LIMA1: variants seen among roughly 807,000 people sequenced by gnomAD.
LIMA1 encodes the protein LIM domain and actin binding 1, also known as LIM domain and actin-binding protein 1.
In LIMA1, 52 loss-of-function variants were observed where a neutral mutation model predicts 62.6. That is an observed-to-expected ratio of 0.83 (90% CI 0.67 to 1.05). The LOEUF (loss-of-function observed/expected upper bound fraction) is 1.05, where lower values mean the gene tolerates loss of function less well. Ranked by LOEUF, LIMA1 falls within the 50% of genes least tolerant of loss-of-function variation. The pLI, the probability that LIMA1 is intolerant of heterozygous loss-of-function variation, is 0.00. For missense variants in LIMA1, 780 were observed against 902.2 expected (o/e 0.86, Z 1.74); for synonymous variants, 302 against 317.8 (o/e 0.95, Z 0.53).
At chr12:50,272,003 G>C (rs1459866774) in intron 1 of LIMA1, among the ~76,000 whole-genome samples, 1 of 152,106 alleles carries the variant, frequency 6.6e-6, no homozygotes, top group Non-Finnish European at 1.5e-5. Context: ...CTTATTTTAG[G>C]AAGGCTCCTT....
At chr12:50,259,748 A>G (rs1471708846) in intron 1 of LIMA1, among the ~76,000 whole-genome samples, 1 of 152,208 alleles carries the variant, frequency 6.6e-6, no homozygotes, top group Non-Finnish European at 1.5e-5. Context: ...GTATGTGTAG[A>G]AACATGAATC....
At position 50,209,126 on chromosome 12, in the gene LIMA1, T is replaced by C. The variant is rs1251352563; in HGVS notation, c.631-3058A>G. Among the ~76,000 whole-genome samples the C allele has an allele frequency of 1.5e-4, 23 of 150,534 alleles. No individual in the cohort carries two copies. The Admixed American group carries it at 1.5e-3, about 10-fold the overall frequency. On this transcript the variant is annotated intron_variant, in intron 4 of 10. Coordinates refer to ENST00000341247, the MANE Select transcript of LIMA1 (RefSeq NM_016357.5). ...GTGTGGGCCACTGCATCCGGCCTGA[T>C]TGGGTCTATTTTTAATAAAAACTAA...
intron 1 of LIMA1, among the ~76,000 whole-genome samples, chr12:50,256,966 G>C (rs529845557): frequency 8.5e-5 from 13 of 152,260 alleles, no homozygotes; most frequent in African/African-American, 2.9e-4. Flanking sequence ...CACGACATTA[G>C]CCTTGATCAC....
chr12:50,177,606 G>C lies in LIMA1; in HGVS notation c.1738C>G (p.Arg580Gly), dbSNP rs746911119. 1.2e-5 allele frequency: 19 copies of C among 1,611,078 alleles called. No individual in the cohort carries two copies. Among genetic ancestry groups the C allele is most frequent in the Non-Finnish European group, 1.1e-5 (13 of 1,178,814 alleles). ...CTTCTTTCCTTCAGTGAAGAAGATC[G>C]TCTTAGCTTCTTCAGATCTAGATCG... is the stretch of plus-strand genomic sequence containing the variant. Reference protein sequence around the residue: ...DVDLDLKKLRRSSSLKERSRP... With the variant: ...DVDLDLKKLRGSSSLKERSRP... The change falls in exon 11 of 11, where the codon CGA becomes GGA. Residue 580 changes from arginine (R) to glycine (G), a missense_variant. Physicochemically the swap from Arg to Gly is moderately radical, Grantham distance 125. Transcript: ENST00000341247.
At position 50,178,960 on chromosome 12, in the gene LIMA1, A is replaced by ATTTTT. The variant is rs1330751159; in HGVS notation, c.1275-892_1275-891insAAAAA. ...TAACGGTATATAAATACATATATAT[A>ATTTTT]TATATATTTTTTTTTTCTTTTTCTT... On this transcript the variant is annotated intron_variant, in intron 10 of 10. Transcript: ENST00000341247. 4.8e-5 allele frequency among the ~76,000 whole-genome samples: 5 copies of ATTTTT among 104,390 alleles called. No homozygotes were observed. In the South Asian group the frequency reaches 1.6e-3, roughly 32 times the overall value. The allele number at this position is 104,390 out of a possible 152,430, so 68.5% of individuals were successfully genotyped here.
At chr12:50,221,725 A>G (rs1941445102) in intron 4 of LIMA1, among the ~76,000 whole-genome samples, 1 of 152,214 alleles carries the variant, frequency 6.6e-6, no homozygotes, top group Non-Finnish European at 1.5e-5. Flanking sequence ...ACAGGAAGAC[A>G]ATTTAAAAGG....
intron 2 of LIMA1, among the ~76,000 whole-genome samples, chr12:50,247,124 T>C (rs1941860903): frequency 6.6e-6 from 1 of 151,848 alleles, no homozygotes; most frequent in South Asian, 2.1e-4. Flanking sequence ...GGTGACAGAG[T>C]GAAACCCTGT....
intron 9 of LIMA1, chr12:50,188,071 CA>C (rs545860383): frequency 5.9e-5 from 9 of 152,086 alleles, no homozygotes; most frequent in Non-Finnish European, 1.3e-4. Flanking sequence ...GCTCTGTGGC[CA>C]GTGTTCAAAG....
intron 1 of LIMA1, among the ~76,000 whole-genome samples, chr12:50,281,634 C>G (rs1469569944): frequency 6.6e-6 from 1 of 152,188 alleles, no homozygotes; most frequent in Non-Finnish European, 1.5e-5. Context: ...ACAGTGGAAA[C>G]AGATCCAACT....
At chr12:50,193,673 T>TTA (rs1940858192) in intron 8 of LIMA1, among the ~76,000 whole-genome samples, 1 of 128,826 alleles carries the variant, frequency 7.8e-6, no homozygotes, top group African/African-American at 3.0e-5. Context: ...TATATTTTTT[T>TTA]TTTTTTTTTT....
At chr12:50,231,560 C>G in intron 3 of LIMA1, 105 bp downstream of exon 3, 1 of 994,432 alleles carries the variant, frequency 1.0e-6, no homozygotes, top group South Asian at 1.3e-5. Flanking sequence ...GCACAAATGT[C>G]CACTCAGCTG....
chr12:50,250,390 G>A (rs1941913337), intron 1 of LIMA1, among the ~76,000 whole-genome samples: 1 of 149,960 alleles, frequency 6.7e-6, no homozygotes, highest in Admixed American at 6.7e-5. Flanking sequence ...AGGAGTTTGA[G>A]ACCAGCCTGG....
intron 9 of LIMA1, chr12:50,186,057 C>T (rs190845501): frequency 1.4e-3 from 208 of 152,674 alleles, no homozygotes; most frequent in Non-Finnish European, 1.8e-3. Flanking sequence ...ATGTCCTGGG[C>T]TCTCAGCCAC....
intron 7 of LIMA1, among the ~76,000 whole-genome samples, chr12:50,198,795 T>C (rs1940984200): frequency 1.3e-5 from 2 of 152,216 alleles, no homozygotes; most frequent in East Asian, 1.9e-4. Context: ...CAATGGGCAA[T>C]GGTAGAGAAC....
At chr12:50,237,055 A>G (rs1340308983) in intron 2 of LIMA1, among the ~76,000 whole-genome samples, 1 of 152,202 alleles carries the variant, frequency 6.6e-6, no homozygotes, top group Non-Finnish European at 1.5e-5. Context: ...GCCTTCTTTA[A>G]TATCTGCCAA....
chr12:50,270,121 C>G (rs577913733), intron 1 of LIMA1, among the ~76,000 whole-genome samples: 2 of 148,880 alleles, frequency 1.3e-5, no homozygotes, highest in South Asian at 4.2e-4. Flanking sequence ...GTAATTCCAG[C>G]TACTCGGGAA....
intron 6 of LIMA1, among the ~76,000 whole-genome samples, chr12:50,203,727 T>C (rs1323468666): frequency 6.6e-6 from 1 of 152,226 alleles, no homozygotes; most frequent in African/African-American, 2.4e-5. Context: ...ATCAAAATTT[T>C]CATGCTTACT....
intron 9 of LIMA1, chr12:50,186,283 T>A (rs1309475406): frequency 6.6e-6 from 1 of 152,218 alleles, no homozygotes; most frequent in Non-Finnish European, 1.5e-5. Flanking sequence ...AGATTTTTTT[T>A]TTCATTCCCC....
At chr12:50,248,895 A>G (rs545141420) in intron 1 of LIMA1, 121 bp from the exon 2 acceptor site, 13 of 637,934 alleles carry the variant, frequency 2.0e-5, no homozygotes, top group Admixed American at 1.6e-4. Flanking sequence ...GTTCTCCCCC[A>G]AACTGTGTAA....
Sources: gnomAD v4.1 joint callset for allele counts (sites outside exome capture counted in the v4.1 genomes callset) on GRCh38, gnomAD v4.1.1 for gene constraint, MANE v1.5 for transcripts, NCBI Gene and HGNC (gene_info 2026-07-23, HGNC 2026-07-21) for gene names.